The following PIRT variants were observed in gnomAD, a reference collection of about 807,000 sequenced individuals.
The protein encoded by PIRT is phosphoinositide-interacting protein.
In PIRT, 6 loss-of-function variants were observed where a neutral mutation model predicts 7.9. The ratio of observed to expected loss-of-function variants is 0.76; its 90% CI spans 0.42 to 1.51. The LOEUF (loss-of-function observed/expected upper bound fraction) is 1.51, where lower values mean the gene tolerates loss of function less well. Ranked by LOEUF, PIRT falls within the 40% of genes most tolerant of loss-of-function variation. The pLI is 0.01. For synonymous variants in PIRT, 78 were observed against 71.8 expected (o/e 1.09, Z -0.44); for missense variants, 170 against 172.9 (o/e 0.98, Z 0.09).
intron 1 of PIRT, among the ~76,000 whole-genome samples, chr17:10,830,003 CTATCT>C (rs1310949744): frequency 2.1e-5 from 3 of 143,306 alleles, no homozygotes; most frequent in East Asian, 2.1e-4. Context: ...ATCTATCTAT[CTATCT>C]ATCATCATCA....
Position 10,825,269 on chromosome 17 carries a change from A to T in PIRT, c.377T>A (p.Phe126Tyr), listed in dbSNP as rs568426000. ...KKQKHRQKSN[F>Y]LRSLKSFFLT... ...GAAGAAGGACTTGAGGCTGCGTAAG[A>T]AATTCGACTTCTGTCTGTGCTTCTG... Residue 126 changes from phenylalanine to tyrosine, a missense_variant, in exon 2 of 2, where the codon TTC (phenylalanine) becomes TAC (tyrosine). Physicochemically the swap from Phe to Tyr is conservative, Grantham distance 22 (BLOSUM62 3). Transcript: ENST00000580256. 3 of 1,613,922 alleles carry T rather than the reference A, an allele frequency of 1.9e-6. No individual in the cohort carries two copies. Among genetic ancestry groups the T allele is most frequent in the African/African-American group, 2.7e-5 (2 of 75,024 alleles).
rs140431548 is a variant in PIRT at position 10,836,071 on chromosome 17, T to G, written c.-139+1874A>C. Among the ~76,000 whole-genome samples, 558 of 152,170 alleles carry G rather than the reference T, an allele frequency of 3.7e-3. 4 individuals are homozygous for G. The highest frequency in any genetic ancestry group is 0.013 in the African/African-American group (548 of 41,512). On this transcript the variant is annotated intron_variant, in intron 1 of 1. Transcript: ENST00000580256. ...GTGCATGCCACCACGCCTGCCTAATTTTTGAATTTTTAGTAGAGACGGGAT... is the reference window on the plus strand; with the variant it reads ...GTGCATGCCACCACGCCTGCCTAATGTTTGAATTTTTAGTAGAGACGGGAT...
chr17:10,836,330 C>G (rs541567362), intron 1 of PIRT, among the ~76,000 whole-genome samples: 1 of 152,200 alleles, frequency 6.6e-6, no homozygotes, highest in East Asian at 1.9e-4. Context: ...AACTCACTCC[C>G]CAGCCTTTTC....
At chr17:10,832,408 G>A (rs1905483757) in intron 1 of PIRT, among the ~76,000 whole-genome samples, 1 of 152,100 alleles carries the variant, frequency 6.6e-6, no homozygotes, top group Non-Finnish European at 1.5e-5. Flanking sequence ...GGTCAGGCTG[G>A]TCTCGAACTC....
At chr17:10,834,286 A>AAAGG (rs1411693148) in intron 1 of PIRT, among the ~76,000 whole-genome samples, 5 of 152,226 alleles carry the variant, frequency 3.3e-5, no homozygotes, top group African/African-American at 1.2e-4. Context: ...TAAGCAGTAG[A>AAAGG]AAGGAGCTAA....
At chr17:10,827,333 A>G (rs970175048) in intron 1 of PIRT, among the ~76,000 whole-genome samples, 2 of 152,138 alleles carry the variant, frequency 1.3e-5, no homozygotes, top group Non-Finnish European at 2.9e-5. Flanking sequence ...ATGGTCACCC[A>G]TGTGGAGCAA....
chr17:10,824,121 A>G lies in PIRT; in HGVS notation c.*1111T>C, dbSNP rs1275617316. The G allele has an allele frequency of 1.3e-5, 2 of 152,210 alleles. No individual in the cohort carries two copies. Among genetic ancestry groups the G allele is most frequent in the Non-Finnish European group, 2.9e-5 (2 of 68,080 alleles). The allele number at this position is 152,210 out of a possible 1,614,324, so 9.4% of individuals were successfully genotyped here. ...CGCCTGTGTTCCCACACCCACCCACATTTCGCCAGTTGGCTTGGCTGCCTC... is the reference window on the plus strand; with the variant it reads ...CGCCTGTGTTCCCACACCCACCCACGTTTCGCCAGTTGGCTTGGCTGCCTC... On this transcript the variant is annotated 3_prime_UTR_variant, in exon 2 of 2. Transcript: ENST00000580256.
intron 1 of PIRT, among the ~76,000 whole-genome samples, chr17:10,830,463 G>A (rs552703792): frequency 5.3e-5 from 8 of 152,268 alleles, no homozygotes; most frequent in East Asian, 3.9e-4. Flanking sequence ...TGAGCCTTAC[G>A]AGCCCCATAT....
In PIRT at chr17:10,834,941, A is replaced by G. The variant is rs1476612208; in HGVS notation, c.-139+3004T>C. 3.3e-5 allele frequency among the ~76,000 whole-genome samples: 5 copies of G among 149,422 alleles called. No homozygotes were observed. The South Asian group carries it at 8.5e-4, about 25-fold the overall frequency. On this transcript the variant is annotated intron_variant, in intron 1 of 1. Transcript: ENST00000580256. The stretch of plus-strand genomic sequence containing the variant: ...TACAGAAGGTTAGAACCTGACTAGC[A>G]CCGCTTTACCAAGTCACTGGTCCTG...
At chr17:10,826,073 C>T (rs1362332090) in intron 1 of PIRT, among the ~76,000 whole-genome samples, 1 of 152,066 alleles carries the variant, frequency 6.6e-6, no homozygotes, top group Non-Finnish European at 1.5e-5. Context: ...AAGTGATTCT[C>T]CTGCCTCAGC....
At chr17:10,825,879 A>C (rs1351280903) in intron 1 of PIRT, 96 bp from the exon 2 acceptor site, 2 of 383,032 alleles carry the variant, frequency 5.2e-6, no homozygotes, top group Non-Finnish European at 4.6e-6. Context: ...AAATATTATA[A>C]CATTTTATTC....
At chr17:10,826,355 C>CAA (rs891715569) in intron 1 of PIRT, among the ~76,000 whole-genome samples, 47 of 152,332 alleles carry the variant, frequency 3.1e-4, no homozygotes, top group African/African-American at 8.9e-4. Context: ...CTCTTTGTCT[C>CAA]AGTTTTCTTA....
At chr17:10,837,905 TGGAA>T (rs1388345076) in intron 1 of PIRT, 36 bp downstream of exon 1, 1 of 152,206 alleles carries the variant, frequency 6.6e-6, no homozygotes, top group Non-Finnish European at 1.5e-5. Flanking sequence ...TTCAGCGAGA[TGGAA>T]GGAAGGGCAG....
intron 1 of PIRT, among the ~76,000 whole-genome samples, chr17:10,837,057 G>C (rs1376306608): frequency 6.6e-6 from 1 of 152,172 alleles, no homozygotes; most frequent in African/African-American, 2.4e-5. Context: ...AGAAGCTAGA[G>C]GGTTTCTGAG....
chr17:10,836,788 C>T (rs943996936), intron 1 of PIRT, among the ~76,000 whole-genome samples: 2 of 152,076 alleles, frequency 1.3e-5, no homozygotes, highest in African/African-American at 4.8e-5. Context: ...GGGGGAGAAG[C>T]GGGGAAGGCA....
chr17:10,833,580 C>G (rs765190933), intron 1 of PIRT, among the ~76,000 whole-genome samples: 4 of 152,118 alleles, frequency 2.6e-5, no homozygotes, highest in Non-Finnish European at 2.9e-5. Flanking sequence ...TGGTGAAACT[C>G]TGTCTCTGCT....
Position 10,825,791 on chromosome 17 carries a change from C to CA in PIRT, c.-138-9dup. The CA allele has an allele frequency of 1.4e-6, 1 of 731,608 alleles. No individual in the cohort carries two copies. The highest frequency in any genetic ancestry group is 1.9e-6 in the Non-Finnish European group (1 of 515,110). The allele number at this position is 731,608 out of a possible 1,614,324, so 45.3% of individuals were successfully genotyped here. A position where few individuals can be genotyped will look rare whatever the true frequency, so the allele number is the denominator to read the frequency against. ...GTGAACAAGGTTTTTGTGCTGAAGCCAAAAAAGAAAATGAAATGAAATTCA... is the reference window on the plus strand; with the variant it reads ...GTGAACAAGGTTTTTGTGCTGAAGCCAAAAAAAGAAAATGAAATGAAATTCA... On this transcript the variant is annotated splice_polypyrimidine_tract_variant and intron_variant, in intron 1 of 1. Coordinates refer to ENST00000580256, the MANE Select transcript of PIRT (RefSeq NM_001101387.2).
At chr17:10,828,961 C>G (rs550150259) in intron 1 of PIRT, among the ~76,000 whole-genome samples, 12 of 152,338 alleles carry the variant, frequency 7.9e-5, no homozygotes, top group African/African-American at 2.4e-4. Flanking sequence ...GCTTTTGTAA[C>G]TGTAGGCACC....
chr17:10,835,604 A>C (rs995091250), intron 1 of PIRT, among the ~76,000 whole-genome samples: 1 of 152,228 alleles, frequency 6.6e-6, no homozygotes, highest in Admixed American at 6.5e-5. Context: ...CATAGTGAAC[A>C]GAACTGCAGC....
Sources: allele counts gnomAD v4.1 joint callset (sites outside exome capture counted in the v4.1 genomes callset), GRCh38; gene constraint gnomAD v4.1.1; transcripts MANE v1.5; gene names NCBI Gene and HGNC (gene_info 2026-07-23, HGNC 2026-07-21).